The following RIMS1 variants were observed in gnomAD, a reference collection of about 807,000 sequenced individuals.
RIMS1 encodes regulating synaptic membrane exocytosis protein 1.
A neutral mutation model predicts 214.1 loss-of-function variants in RIMS1; 83 were observed. The observed-to-expected ratio is 0.39, with a 90% CI of 0.32 to 0.47. RIMS1 has a LOEUF of 0.47. Ranked by LOEUF, RIMS1 falls within the 20% of genes least tolerant of loss-of-function variation. The pLI is 0.99. For missense variants in RIMS1, 2,050 were observed against 2,161.8 expected (o/e 0.95, Z 1.03); for synonymous variants, 793 against 786.8 (o/e 1.01, Z -0.13).
intron 4 of RIMS1, among the ~76,000 whole-genome samples, chr6:72,129,012 C>T (rs990676329): frequency 6.6e-6 from 1 of 152,112 alleles, no homozygotes; most frequent in Admixed American, 6.6e-5. Flanking sequence ...TTATTGTTCC[C>T]ATTTCATTAC....
At chr6:72,381,148 G>A (rs992665408) in intron 29 of RIMS1, among the ~76,000 whole-genome samples, 1 of 152,090 alleles carries the variant, frequency 6.6e-6, no homozygotes, top group Admixed American at 6.5e-5. Context: ...CTCTCTCCTT[G>A]GCTTGCTGTT....
chr6:72,138,305 G>A (rs985321018), intron 4 of RIMS1, among the ~76,000 whole-genome samples: 1 of 151,950 alleles, frequency 6.6e-6, no homozygotes, highest in African/African-American at 2.4e-5. Context: ...GTGTTTCTTG[G>A]TAACGTTACA....
At chr6:72,029,045 T>C (rs1033758145) in intron 2 of RIMS1, among the ~76,000 whole-genome samples, 6 of 152,164 alleles carry the variant, frequency 3.9e-5, no homozygotes, top group African/African-American at 7.2e-5. Context: ...CCACAGTTCA[T>C]GTAAAAAGGG....
At chr6:71,974,790 A>G (rs116990780) in intron 2 of RIMS1, among the ~76,000 whole-genome samples, 3 of 152,220 alleles carry the variant, frequency 2.0e-5, no homozygotes, top group Non-Finnish European at 2.9e-5. Context: ...AGCCAAGGAA[A>G]TCTCCAATTG....
chr6:71,919,141 A>C (rs1476002243), intron 1 of RIMS1, among the ~76,000 whole-genome samples: 1 of 152,142 alleles, frequency 6.6e-6, no homozygotes, highest in Non-Finnish European at 1.5e-5. Flanking sequence ...GGAGGTATTA[A>C]AATAGCACAG....
Position 72,258,956 on chromosome 6 carries a change from T to A in RIMS1, c.2928-30T>A, listed in dbSNP as rs776901997. On this transcript the variant is annotated intron_variant, in intron 17 of 33. Coordinates refer to ENST00000521978, the MANE Select transcript of RIMS1 (RefSeq NM_014989.7). The stretch of plus-strand genomic sequence containing the variant: ...CCTGTTTTGGGAAGATGATACAATT[T>A]GACACATAAGAATTTTGTAATCATT... The A allele has an allele frequency of 7.5e-6, 12 of 1,609,264 alleles. No homozygotes were observed. The Admixed American group carries it at 2.0e-4, about 27-fold the overall frequency.
At chr6:72,281,289 A>G (rs1343689587) in intron 23 of RIMS1, among the ~76,000 whole-genome samples, 1 of 152,172 alleles carries the variant, frequency 6.6e-6, no homozygotes. Flanking sequence ...TAATGCAGAT[A>G]AAGTGAACAT....
Position 72,121,521 on chromosome 6 carries a change from G to T in RIMS1, c.471+21535G>T, listed in dbSNP as rs1032362881. ...TGATTTTGCATCCTGAGACTTTTCT[G>T]AAGTTGCTTATCAGCTTAAGGAGAT... On this transcript the variant is annotated intron_variant, in intron 4 of 33. Coordinates refer to ENST00000521978, the MANE Select transcript of RIMS1 (RefSeq NM_014989.7). Among the ~76,000 whole-genome samples, 4 of 151,964 alleles carry T rather than the reference G, an allele frequency of 2.6e-5. No homozygotes were observed. The East Asian group carries it at 5.8e-4, about 22-fold the overall frequency.
intron 1 of RIMS1, among the ~76,000 whole-genome samples, chr6:71,899,176 A>G (rs2150428680): frequency 6.6e-6 from 1 of 152,204 alleles, no homozygotes. Context: ...TAATTGTGAT[A>G]ATTTTATTTT....
intron 6 of RIMS1, among the ~76,000 whole-genome samples, chr6:72,224,597 A>G (rs1043436587): frequency 3.9e-5 from 6 of 152,208 alleles, no homozygotes; most frequent in Admixed American, 2.0e-4. Flanking sequence ...AAAACGGTTT[A>G]TTCAGTCAAA....
At chr6:72,150,202 A>T (rs2043342354) in intron 4 of RIMS1, among the ~76,000 whole-genome samples, 1 of 151,732 alleles carries the variant, frequency 6.6e-6, no homozygotes, top group Admixed American at 6.6e-5. Flanking sequence ...ATGCAAAAAA[A>T]AAAGGCTAAA....
intron 2 of RIMS1, among the ~76,000 whole-genome samples, chr6:72,006,193 C>T (rs1025021770): frequency 6.6e-6 from 1 of 152,076 alleles, no homozygotes; most frequent in East Asian, 1.9e-4. Context: ...TAATTACCTC[C>T]CAGGGGATCC....
At chr6:72,186,015 GCTTA>G (rs1178485228) in intron 6 of RIMS1, among the ~76,000 whole-genome samples, 2 of 152,040 alleles carry the variant, frequency 1.3e-5, no homozygotes, top group Non-Finnish European at 2.9e-5. Flanking sequence ...CTTTTCTATT[GCTTA>G]CTTTATTGTG....
intron 2 of RIMS1, among the ~76,000 whole-genome samples, chr6:72,024,000 A>G (rs1477692809): frequency 6.6e-6 from 1 of 152,132 alleles, no homozygotes; most frequent in Non-Finnish European, 1.5e-5. Flanking sequence ...ACTGTGTCTT[A>G]ATGAGGTGAA....
At chr6:72,151,001 C>T (rs2153900861) in intron 4 of RIMS1, among the ~76,000 whole-genome samples, 1 of 152,186 alleles carries the variant, frequency 6.6e-6, no homozygotes, top group East Asian at 1.9e-4. Flanking sequence ...TTTAGGGTTT[C>T]TGAAAGCAAT....
At chr6:72,081,958 GTCACT>G (rs998317171) in intron 2 of RIMS1, among the ~76,000 whole-genome samples, 32 of 152,106 alleles carry the variant, frequency 2.1e-4, no homozygotes, top group African/African-American at 7.7e-4. Context: ...ATTACATCTT[GTCACT>G]TGCCTTGAAA....
intron 2 of RIMS1, among the ~76,000 whole-genome samples, chr6:72,012,080 C>G (rs1810855047): frequency 2.6e-5 from 4 of 152,176 alleles, no homozygotes; most frequent in Admixed American, 2.6e-4. Context: ...GGATCCAACC[C>G]AAATGTCCAA....
At chr6:71,907,080 C>G (rs1471384507) in intron 1 of RIMS1, among the ~76,000 whole-genome samples, 1 of 152,134 alleles carries the variant, frequency 6.6e-6, no homozygotes, top group Non-Finnish European at 1.5e-5. Flanking sequence ...GTTACCTGAG[C>G]TTTGGGAATA....
rs183147127 is a variant in RIMS1 at position 72,313,452 on chromosome 6, G to A, written c.3964-54G>A. On this transcript the variant is annotated intron_variant, in intron 27 of 33. Coordinates refer to ENST00000521978, the MANE Select transcript of RIMS1 (RefSeq NM_014989.7). The stretch of plus-strand genomic sequence containing the variant: ...AGTAGTCATTCATCTCACCATCTAT[G>A]TTTTTTCCATTGTCTAATGATGGAG... 98 of 1,541,960 alleles carry A rather than the reference G, an allele frequency of 6.4e-5. 1 individual carries two copies. The East Asian group carries it at 2.1e-3, about 33-fold the overall frequency.
Sources: gnomAD v4.1 joint callset for allele counts (sites outside exome capture counted in the v4.1 genomes callset) on GRCh38, gnomAD v4.1.1 for gene constraint, MANE v1.5 for transcripts, NCBI Gene and HGNC (gene_info 2026-07-23, HGNC 2026-07-21) for gene names.